Variants in SMG1 observed in about 807,000 individuals in gnomAD.
The protein encoded by SMG1 is serine/threonine-protein kinase SMG1.
A neutral mutation model predicts 419.9 loss-of-function variants in SMG1; 22 were observed. The ratio of observed to expected loss-of-function variants is 0.05; its 90% confidence interval spans 0.04 to 0.07. The LOEUF is 0.07. Among genes scored for constraint, SMG1 ranks in the 10% least tolerant of loss-of-function variants. The pLI, the probability that SMG1 is intolerant of heterozygous loss-of-function variation, is 1.00. For synonymous variants in SMG1, 1,538 were observed against 1,553.5 expected (o/e 0.99, Z 0.23); for missense variants, 3,185 against 4,342.0 (o/e 0.73, Z 7.49).
At chr16:18,870,178 A>C (rs1489952427) in intron 18 of SMG1, among the ~76,000 whole-genome samples, 184 bp from the exon 19 acceptor site, 1 of 152,204 alleles carries the variant, frequency 6.6e-6, no homozygotes, top group Admixed American at 6.5e-5. Flanking sequence ...TCAGATGGGT[A>C]ATGTGCTGAC....
chr16:18,853,437 A>T, intron 31 of SMG1, 146 bp downstream of exon 31: 3 of 748,108 alleles, frequency 4.0e-6, no homozygotes, highest in Non-Finnish European at 6.1e-6. Flanking sequence ...AATATGTTTT[A>T]GTTATTTCCC....
Position 18,834,226 on chromosome 16 carries a change from T to C in SMG1, c.8543A>G (p.Asn2848Ser), listed in dbSNP as rs765557660. 8.1e-6 allele frequency: 13 copies of C among 1,600,316 alleles called. No homozygotes were observed. In the Admixed American group the frequency reaches 8.6e-5, roughly 11 times the overall value. ...MEASETVHLA[N>S]GVYTSLQELN... is the part of the protein sequence containing the mutation. ...CACCTGAAGTGAGGTATACACTCCA[T>C]TGGCTAAGTGAACTGTCTCAGACGC... is the stretch of plus-strand genomic sequence containing the variant. The change falls in exon 50 of 63, where the codon AAT (asparagine) becomes AGT (serine). Residue 2848 changes from asparagine (N) to serine (S), a missense_variant. This residue lies in a region of SMG1 where 412 missense variants were observed against 546.6 expected (regional missense o/e 0.75). Transcript: ENST00000446231.
At chr16:18,894,679 TAAAAA>T (rs34559113) in intron 3 of SMG1, among the ~76,000 whole-genome samples, 2 of 121,250 alleles carry the variant, frequency 1.6e-5, no homozygotes, top group Non-Finnish European at 1.7e-5. Flanking sequence ...CACACAGTAT[TAAAAA>T]AAAAAAAAAA....
chr16:18,916,232 T>C (rs1004252972), intron 1 of SMG1, among the ~76,000 whole-genome samples: 23 of 150,262 alleles, frequency 1.5e-4, no homozygotes, highest in African/African-American at 4.9e-4. Flanking sequence ...AATAACATTA[T>C]AGGCCAGGCA....
intron 1 of SMG1, among the ~76,000 whole-genome samples, chr16:18,901,595 G>A (rs887301765): frequency 2.6e-5 from 4 of 152,158 alleles, no homozygotes; most frequent in African/African-American, 9.7e-5. Flanking sequence ...AAATTGTAAA[G>A]AATTGTATCT....
intron 6 of SMG1, among the ~76,000 whole-genome samples, chr16:18,886,632 T>C (rs914522349): frequency 2.6e-5 from 4 of 152,016 alleles, no homozygotes; most frequent in African/African-American, 9.7e-5. Context: ...ATGAACTCCG[T>C]CTCTACTAAA....
chr16:18,901,096 TATAA>T (rs1358547209), intron 1 of SMG1, among the ~76,000 whole-genome samples: 1 of 152,218 alleles, frequency 6.6e-6, no homozygotes, highest in African/African-American at 2.4e-5. Flanking sequence ...ATGTCAAAAT[TATAA>T]ATGAGTATGC....
intron 49 of SMG1, 51 bp downstream of exon 49, chr16:18,834,841 G>A: frequency 1.3e-6 from 2 of 1,560,290 alleles, no homozygotes; most frequent in Non-Finnish European, 1.7e-6. Flanking sequence ...TTAGGTTTGG[G>A]ATTAAAAATA....
chr16:18,875,681 A>G lies in SMG1; in HGVS notation c.1890+443T>C, dbSNP rs549818423. 12 of 178,024 alleles carry G rather than the reference A, an allele frequency of 6.7e-5. No homozygotes were observed. In the South Asian group the frequency reaches 1.8e-3, roughly 26 times the overall value. The allele number at this position is 178,024 out of a possible 1,614,324, so 11.0% of individuals were successfully genotyped here. On this transcript the variant is annotated intron_variant, in intron 13 of 62. Coordinates refer to ENST00000446231, the MANE Select transcript of SMG1 (RefSeq NM_015092.5). ...GATAAGGAATATTCAACCTGTATGA[A>G]TGTTCCTAGGGAAAAGAGACAGCCA...
intron 1 of SMG1, among the ~76,000 whole-genome samples, chr16:18,899,350 A>C (rs1289287785): frequency 1.3e-5 from 2 of 152,150 alleles, no homozygotes; most frequent in Non-Finnish European, 2.9e-5. Flanking sequence ...TTCCCAAAAA[A>C]AATTTGTGTT....
chr16:18,872,613 T>C lies in SMG1; in HGVS notation c.1902A>G (p.Leu634=), dbSNP rs1452113231. 2.1e-6 allele frequency: 3 copies of C among 1,452,520 alleles called. No individual in the cohort carries two copies. Among genetic ancestry groups the C allele is most frequent in the African/African-American group, 1.4e-5 (1 of 69,852 alleles). The allele number at this position is 1,452,520 out of a possible 1,614,324, so 90.0% of individuals were successfully genotyped here. A position where few individuals can be genotyped will look rare whatever the true frequency, so the allele number is the denominator to read the frequency against. ...TCAGAAGTGCAAAGACAGTTGGAGA[T>C]AGCGCCCACATCTGATCATGTACAA... ...AKNSLIGMWA[L]SPTVFALLSK... The change falls in exon 14 of 63, where the codon CTA becomes CTG. Residue 634 remains leucine (L), a synonymous_variant. Transcript: ENST00000446231.
In SMG1 at chr16:18,816,546, T is replaced by C. The variant is rs752954966; in HGVS notation, c.10075-17A>G. 1 of 1,600,280 alleles carries C rather than the reference T, an allele frequency of 6.2e-7. No homozygotes were observed. Among genetic ancestry groups the C allele is most frequent in the South Asian group, 1.1e-5 (1 of 89,820 alleles). On this transcript the variant is annotated splice_polypyrimidine_tract_variant and intron_variant, in intron 57 of 62. Coordinates refer to ENST00000446231, the MANE Select transcript of SMG1 (RefSeq NM_015092.5). Reference sequence around the variant, plus strand: ...ACCAGTGTCCTAAATAGAACAAGCATTTGTTTGACTTCGAGTATCAGCTGA... The same window carrying C: ...ACCAGTGTCCTAAATAGAACAAGCACTTGTTTGACTTCGAGTATCAGCTGA...
In SMG1 at chr16:18,877,281, A is replaced by G. The variant is rs996957913; in HGVS notation, c.1519-49T>C. 26 of 1,359,494 alleles carry G rather than the reference A, an allele frequency of 1.9e-5. No individual in the cohort carries two copies. In the African/African-American group the frequency reaches 3.1e-4, roughly 16 times the overall value. 84.2% of individuals were successfully genotyped at this position (1,359,494 alleles called of 1,614,324 possible). On this transcript the variant is annotated intron_variant, in intron 11 of 62. Coordinates refer to ENST00000446231, the MANE Select transcript of SMG1 (RefSeq NM_015092.5). Reference sequence around the variant, plus strand: ...AATGAGCTTCTCCAATTACAAAAAGACATGGAGAAACCTTAAATGCACACT... The same window carrying G: ...AATGAGCTTCTCCAATTACAAAAAGGCATGGAGAAACCTTAAATGCACACT...
At chr16:18,812,611 C>CACACATAT (rs1211153801) in intron 60 of SMG1, among the ~76,000 whole-genome samples, 1,394 of 83,516 alleles carry the variant, frequency 0.017, 27 homozygotes, top group African/African-American at 0.054. Context: ...CATATATATA[C>CACACATAT]ATACACACAT....
intron 1 of SMG1, among the ~76,000 whole-genome samples, chr16:18,902,910 G>C (rs906943595): frequency 6.6e-6 from 1 of 152,034 alleles, no homozygotes; most frequent in Non-Finnish European, 1.5e-5. Context: ...GGCGCAATCC[G>C]AGCTCAAGCA....
intron 3 of SMG1, among the ~76,000 whole-genome samples, chr16:18,895,714 A>C: frequency 6.6e-6 from 1 of 151,516 alleles, no homozygotes; most frequent in Non-Finnish European, 1.5e-5. Context: ...ACAGAAAAGT[A>C]CCCCCTCTCT....
intron 32 of SMG1, 41 bp downstream of exon 32, chr16:18,852,277 T>C: frequency 1.9e-6 from 3 of 1,603,512 alleles, no homozygotes; most frequent in Non-Finnish European, 2.6e-6. Context: ...TTTAAATATC[T>C]ATTTATGCAA....
chr16:18,926,370 C>T lies in SMG1; in HGVS notation c.-329G>A, dbSNP rs1406228774. Reference sequence around the variant, plus strand: ...CCCGGAGGACGAGGACGACGAGGAGCAGGCGGTGGCGGCAGCTCCTCACGC... The same window carrying T: ...CCCGGAGGACGAGGACGACGAGGAGTAGGCGGTGGCGGCAGCTCCTCACGC... On this transcript the variant is annotated 5_prime_UTR_variant, in exon 1 of 63. Transcript: ENST00000446231. 2.3e-5 allele frequency: 7 copies of T among 300,790 alleles called. No individual in the cohort carries two copies. Among genetic ancestry groups the T allele is most frequent in the South Asian group, 6.5e-5 (1 of 15,284 alleles). The allele number at this position is 300,790 out of a possible 1,614,324, so 18.6% of individuals were successfully genotyped here.
In SMG1 at chr16:18,811,734, TGTAGCCCAA is replaced by T; in HGVS notation, c.10908+18_10908+26del. The T allele has an allele frequency of 1.3e-6, 2 of 1,589,144 alleles. No individual in the cohort carries two copies. Among genetic ancestry groups the T allele is most frequent in the Non-Finnish European group, 1.7e-6 (2 of 1,157,182 alleles). ...CTACTTTTCCAGCAGCATTAAAATGTGTAGCCCAAGTTTAAAACACGGTCACCTGTTCAG... is the reference window on the plus strand; with the variant it reads ...CTACTTTTCCAGCAGCATTAAAATGTGTTTAAAACACGGTCACCTGTTCAG... On this transcript the variant is annotated intron_variant, in intron 62 of 62. Transcript: ENST00000446231.
Sources: gnomAD v4.1 joint callset for allele counts (sites outside exome capture counted in the v4.1 genomes callset) on GRCh38, gnomAD v4.1.1 for gene constraint, gnomAD v4.1.1 regional missense constraint, MANE v1.5 for transcripts, NCBI Gene and HGNC (gene_info 2026-07-23, HGNC 2026-07-21) for gene names.